Variants in COL23A1 observed in about 807,000 individuals in gnomAD.
COL23A1 encodes the protein collagen type XXIII alpha 1 chain.
Under a neutral mutation model 99.3 loss-of-function variants are expected in COL23A1, and 97 were observed. The ratio of observed to expected loss-of-function variants is 0.98; its 90% CI spans 0.83 to 1.16. The LOEUF (loss-of-function observed/expected upper bound fraction) is 1.16. Among genes scored for constraint, COL23A1 ranks in the 50% most tolerant of loss-of-function variants. COL23A1 has a pLI of 0.00. For synonymous variants in COL23A1, 320 were observed against 308.2 expected (o/e 1.04, Z -0.40); for missense variants, 762 against 757.4 (o/e 1.01, Z -0.07).
intron 2 of COL23A1, among the ~76,000 whole-genome samples, chr5:178,420,583 C>T (rs190731851): frequency 0.016 from 733 of 46,310 alleles, 65 homozygotes; most frequent in African/African-American, 0.056. Flanking sequence ...CTCTCCCACT[C>T]TTTCTCCTTC....
intron 2 of COL23A1, among the ~76,000 whole-genome samples, chr5:178,513,724 C>T (rs1364581766): frequency 6.6e-6 from 1 of 152,046 alleles, no homozygotes; most frequent in Non-Finnish European, 1.5e-5. Flanking sequence ...GTTTGTGCTG[C>T]AGTAATTGAG....
At chr5:178,558,435 C>A (rs764989146) in intron 2 of COL23A1, among the ~76,000 whole-genome samples, 23 of 152,138 alleles carry the variant, frequency 1.5e-4, no homozygotes, top group Non-Finnish European at 3.4e-4. Context: ...GTCTTGGGGA[C>A]TTTCAAGCCT....
intron 2 of COL23A1, among the ~76,000 whole-genome samples, chr5:178,328,213 C>G (rs117796049): frequency 6.6e-6 from 1 of 152,194 alleles, no homozygotes; most frequent in Admixed American, 6.5e-5. Context: ...CATCCACTCC[C>G]ACACGTCCCC....
chr5:178,394,335 C>T (rs892174876), intron 2 of COL23A1, among the ~76,000 whole-genome samples: 3 of 152,206 alleles, frequency 2.0e-5, no homozygotes, highest in African/African-American at 7.2e-5. Context: ...ACCCTGAGCC[C>T]TCAACTCGGA....
intron 2 of COL23A1, among the ~76,000 whole-genome samples, chr5:178,368,996 T>C (rs898786570): frequency 3.3e-5 from 5 of 152,240 alleles, no homozygotes; most frequent in African/African-American, 1.2e-4. Flanking sequence ...GCTCAGTGTG[T>C]GTGCCCCTTC....
intron 2 of COL23A1, among the ~76,000 whole-genome samples, chr5:178,546,706 C>T (rs780151047): frequency 6.6e-6 from 1 of 152,230 alleles, no homozygotes; most frequent in Admixed American, 6.5e-5. Context: ...CAGGTTTCTG[C>T]CACAGCCAGT....
At chr5:178,269,287 T>TCATCCATCCATC (rs375433031) in intron 6 of COL23A1, among the ~76,000 whole-genome samples, 78 of 140,150 alleles carry the variant, frequency 5.6e-4, no homozygotes, top group African/African-American at 1.9e-3. Flanking sequence ...CCTGTATGAG[T>TCATCCATCCATC]CATCCATCCA....
At chr5:178,249,636 C>T (rs1010117334) in intron 18 of COL23A1, among the ~76,000 whole-genome samples, 1 of 151,964 alleles carries the variant, frequency 6.6e-6, no homozygotes, top group Admixed American at 6.5e-5. Context: ...AAGACTCACC[C>T]TCGAATAGCA....
intron 1 of COL23A1, chr5:178,562,000 G>C (rs909609027): frequency 4.2e-6 from 2 of 480,590 alleles, no homozygotes; most frequent in Non-Finnish European, 8.2e-6. Context: ...AGAGAGCGAA[G>C]CAGATCCTAA....
chr5:178,526,630 G>A lies in COL23A1; in HGVS notation c.361+34052C>T, dbSNP rs566650152. 2.8e-4 allele frequency among the ~76,000 whole-genome samples: 42 copies of A among 152,270 alleles called. No individual in the cohort carries two copies. The South Asian group carries it at 4.8e-3, about 17-fold the overall frequency. On this transcript the variant is annotated intron_variant, in intron 2 of 28. Transcript: ENST00000390654. The stretch of plus-strand genomic sequence containing the variant: ...TCTGCAATAAAAAGAGTCTGATGCT[G>A]CCGTGGAGCTTCTTGGGGGAAGAGA...
rs543535436 is a variant in COL23A1, at chr5:178,340,505, C to T, written c.362-33586G>A. Among the ~76,000 whole-genome samples the T allele has an allele frequency of 1.8e-4, 28 of 152,296 alleles. No individual in the cohort carries two copies. Among genetic ancestry groups the T allele is most frequent in the Admixed American group, 1.7e-3 (26 of 15,304 alleles). The stretch of plus-strand genomic sequence containing the variant: ...CTGAAGCCCACAGTGTGGGCTGCTC[C>T]GTTTGGTCAGAGCTTCTCAAATCCC... On this transcript the variant is annotated intron_variant, in intron 2 of 28. Transcript: ENST00000390654. The surrounding 1 kb of genome is among the most constrained non-coding windows in gnomAD (Gnocchi z 4.7).
chr5:178,547,727 CA>C (rs1380719068), intron 2 of COL23A1, among the ~76,000 whole-genome samples: 3 of 4,704 alleles, frequency 6.4e-4, no homozygotes, highest in Admixed American at 3.0e-3. Context: ...CACACCCACA[CA>C]CCCACCCCAC....
At chr5:178,517,487 C>T (rs1759586788) in intron 2 of COL23A1, among the ~76,000 whole-genome samples, 1 of 150,616 alleles carries the variant, frequency 6.6e-6, no homozygotes, top group Non-Finnish European at 1.5e-5. Flanking sequence ...CCTAATGACA[C>T]CTTAGCCTCA....
rs756270614 is a variant in COL23A1, at chr5:178,527,546, A to C, written c.361+33136T>G. 4.9e-4 allele frequency among the ~76,000 whole-genome samples: 74 copies of C among 152,332 alleles called. 1 individual carries two copies. Among genetic ancestry groups the C allele is most frequent in the Non-Finnish European group, 6.6e-4 (45 of 68,038 alleles). On this transcript the variant is annotated intron_variant, in intron 2 of 28. Transcript: ENST00000390654. ...TGGCCCGGGTGGATGGTGTGTCCCA[A>C]GCTTGCCTGGGCACAGCACCACGTA...
chr5:178,386,138 T>C (rs1330555233), intron 2 of COL23A1, among the ~76,000 whole-genome samples: 4 of 152,142 alleles, frequency 2.6e-5, no homozygotes, highest in Admixed American at 2.0e-4. Flanking sequence ...TCCAATATTA[T>C]TATTAAAAAT....
Position 178,482,405 on chromosome 5 carries a change from G to A in COL23A1, c.361+78277C>T, listed in dbSNP as rs193114562. ...ATTCCTTTTATATGCAGTATCTAGA[G>A]TAGGCAAACTCATATAGACAGAAAG... On this transcript the variant is annotated intron_variant, in intron 2 of 28. Coordinates refer to ENST00000390654, the MANE Select transcript of COL23A1 (RefSeq NM_173465.4). Among the ~76,000 whole-genome samples, 374 of 152,270 alleles carry A rather than the reference G, an allele frequency of 2.5e-3. 3 individuals carry two copies. Among genetic ancestry groups the A allele is most frequent in the Admixed American group, 6.2e-3 (95 of 15,292 alleles).
chr5:178,305,330 G>A (rs1256992368), intron 3 of COL23A1, among the ~76,000 whole-genome samples: 1 of 152,154 alleles, frequency 6.6e-6, no homozygotes. Context: ...GTGGAACAAG[G>A]AGGCAGAAAG....
chr5:178,295,616 C>T (rs1325486676), intron 3 of COL23A1, among the ~76,000 whole-genome samples: 1 of 152,194 alleles, frequency 6.6e-6, no homozygotes, highest in African/African-American at 2.4e-5. Context: ...CAGCAATTAT[C>T]CTCCTAGAAA....
chr5:178,240,515 C>T (rs1366816550), intron 27 of COL23A1, among the ~76,000 whole-genome samples: 2 of 152,232 alleles, frequency 1.3e-5, no homozygotes, highest in African/African-American at 4.8e-5. Flanking sequence ...GTGCCCCTCT[C>T]CGGCCTCCGC....
Sources: gnomAD v4.1 joint callset for allele counts (sites outside exome capture counted in the v4.1 genomes callset) on GRCh38, gnomAD v4.1.1 for gene constraint, Gnocchi (gnomAD v3.1) non-coding constraint, MANE v1.5 for transcripts, NCBI Gene and HGNC (gene_info 2026-07-23, HGNC 2026-07-21) for gene names.